Variants in GLI2 observed in about 807,000 individuals in gnomAD.
GLI2 encodes the protein transcription activator GLI2.
Under a neutral mutation model 78.9 loss-of-function variants are expected in GLI2, and 22 were observed. The observed-to-expected ratio is 0.28, with a 90% CI of 0.20 to 0.40. The LOEUF (loss-of-function observed/expected upper bound fraction) is 0.40. GLI2 is among the 10% of genes least tolerant of loss of function. The pLI is 1.00. For synonymous variants in GLI2, 974 were observed against 963.7 expected (o/e 1.01, Z -0.20); for missense variants, 2,097 against 2,213.2 (o/e 0.95, Z 1.05).
intron 2 of GLI2, among the ~76,000 whole-genome samples, chr2:120,839,781 A>T (rs1299888838): frequency 1.3e-5 from 2 of 152,030 alleles, no homozygotes; most frequent in Non-Finnish European, 2.9e-5. Context: ...CAGGCTGGTC[A>T]TGAACTCTGG....
chr2:120,849,668 A>G (rs1687308624), intron 2 of GLI2, among the ~76,000 whole-genome samples: 1 of 152,238 alleles, frequency 6.6e-6, no homozygotes, highest in African/African-American at 2.4e-5. Context: ...CCAAGTTTCC[A>G]GTCCCTCTTC....
At chr2:120,847,009 G>A (rs1351353389) in intron 2 of GLI2, among the ~76,000 whole-genome samples, 1 of 151,950 alleles carries the variant, frequency 6.6e-6, no homozygotes, top group Non-Finnish European at 1.5e-5. Flanking sequence ...CAGCTACTCT[G>A]GTTTAGTCTC....
intron 5 of GLI2, among the ~76,000 whole-genome samples, chr2:120,961,944 A>G (rs372818722): frequency 1.1e-3 from 165 of 152,300 alleles, no homozygotes; most frequent in African/African-American, 3.5e-3. Flanking sequence ...TCTGGCACAG[A>G]GAAGGCTCCT....
chr2:120,890,578 T>C (rs1317257858), intron 2 of GLI2, among the ~76,000 whole-genome samples: 2 of 152,202 alleles, frequency 1.3e-5, no homozygotes, highest in Non-Finnish European at 2.9e-5. Flanking sequence ...GATTCTGATA[T>C]TGCACTGTAG....
chr2:120,939,404 C>T (rs1304645589), intron 3 of GLI2, among the ~76,000 whole-genome samples: 3 of 152,172 alleles, frequency 2.0e-5, no homozygotes, highest in Non-Finnish European at 4.4e-5. Flanking sequence ...CCCGTGTGCT[C>T]CCCAATCTCC....
intron 2 of GLI2, among the ~76,000 whole-genome samples, chr2:120,826,521 C>G (rs1357926330): frequency 6.6e-6 from 1 of 152,188 alleles, no homozygotes; most frequent in African/African-American, 2.4e-5. Flanking sequence ...GGGGTCCCCT[C>G]CGTGTGGGAC....
In GLI2 at chr2:120,989,216, GC is replaced by G. The variant is rs2105091389; in HGVS notation, c.3254del (p.Pro1085ArgfsTer28). The part of the protein sequence containing the change: ...TGFSDNPRLP[S>X]PGLHGQRRMV... ...TTCTCTGACAACCCCAGACTACCCAGCCCGGGGCTGCACGGCCAGCGCAGGA... is the reference window on the plus strand; with the variant it reads ...TTCTCTGACAACCCCAGACTACCCAGCCGGGGCTGCACGGCCAGCGCAGGA... On this transcript the variant is annotated frameshift_variant, in exon 14 of 14. Transcript: ENST00000361492. LOFTEE classifies it low-confidence loss of function (END_TRUNC). 1 of 1,613,200 alleles carries G rather than the reference GC, an allele frequency of 6.2e-7. No homozygotes were observed. The highest frequency in any genetic ancestry group is 1.3e-5 in the African/African-American group (1 of 75,068).
intron 2 of GLI2, among the ~76,000 whole-genome samples, chr2:120,877,876 A>G (rs1361495671): frequency 2.0e-5 from 3 of 152,132 alleles, no homozygotes; most frequent in Non-Finnish European, 4.4e-5. Flanking sequence ...TTTCCCAGGT[A>G]TATACCTAGG....
intron 10 of GLI2, among the ~76,000 whole-genome samples, chr2:120,979,849 T>C (rs997730840): frequency 3.3e-5 from 5 of 152,210 alleles, no homozygotes; most frequent in African/African-American, 1.2e-4. Context: ...GCTTTCTGTC[T>C]GTATGGATTT....
intron 2 of GLI2, among the ~76,000 whole-genome samples, chr2:120,865,529 C>T (rs1191078005): frequency 2.6e-5 from 4 of 152,142 alleles, no homozygotes; most frequent in East Asian, 1.9e-4. Flanking sequence ...GTGGCCTTTG[C>T]GGTGCCCTTG....
intron 2 of GLI2, among the ~76,000 whole-genome samples, chr2:120,912,522 T>G (rs2104817580): frequency 6.6e-6 from 1 of 152,228 alleles, no homozygotes; most frequent in Non-Finnish European, 1.5e-5. Flanking sequence ...AGAAATACTG[T>G]TTCCATGCGC....
At chr2:120,932,707 T>C (rs1412000844) in intron 3 of GLI2, among the ~76,000 whole-genome samples, 1 of 152,220 alleles carries the variant, frequency 6.6e-6, no homozygotes, top group Non-Finnish European at 1.5e-5. Context: ...GTAAAGCGTC[T>C]AGAACACTTT....
intron 2 of GLI2, among the ~76,000 whole-genome samples, chr2:120,882,335 C>T (rs547772561): frequency 2.8e-4 from 43 of 152,314 alleles, no homozygotes; most frequent in African/African-American, 9.6e-4. Flanking sequence ...AAGGATCACC[C>T]GGGAGATGCT....
chr2:120,743,945 C>T (rs1037896397), intron 1 of GLI2, among the ~76,000 whole-genome samples: 16 of 152,220 alleles, frequency 1.1e-4, no homozygotes, highest in Non-Finnish European at 1.5e-5. Context: ...AGGAATATGT[C>T]CTGCCTCTCC....
intron 2 of GLI2, among the ~76,000 whole-genome samples, chr2:120,873,090 A>G (rs184881968): frequency 4.7e-4 from 71 of 152,170 alleles, no homozygotes; most frequent in Non-Finnish European, 9.3e-4. Flanking sequence ...ACAAAATGGG[A>G]TTATATTGTG....
chr2:120,902,191 C>G (rs1678296349), intron 2 of GLI2, among the ~76,000 whole-genome samples: 1 of 148,748 alleles, frequency 6.7e-6, no homozygotes. Context: ...ACCCACCCCC[C>G]CCCACCCCCA....
chr2:120,920,545 A>G (rs1679320303), intron 2 of GLI2, among the ~76,000 whole-genome samples: 1 of 152,270 alleles, frequency 6.6e-6, no homozygotes, highest in South Asian at 2.1e-4. Flanking sequence ...CACCCAGTAC[A>G]CTGCCCACAC....
At chr2:120,795,792 G>A (rs946703635) in intron 1 of GLI2, among the ~76,000 whole-genome samples, 1 of 152,162 alleles carries the variant, frequency 6.6e-6, no homozygotes, top group African/African-American at 2.4e-5. Context: ...GCTCACGCCT[G>A]TAATCCCAGC....
At chr2:120,773,885 C>T (rs1003486005) in intron 1 of GLI2, among the ~76,000 whole-genome samples, 1 of 145,412 alleles carries the variant, frequency 6.9e-6, no homozygotes, top group Non-Finnish European at 1.5e-5. Flanking sequence ...TACCTCCCTT[C>T]CCTCCCTCCC....
Sources: gnomAD v4.1 joint callset for allele counts (sites outside exome capture counted in the v4.1 genomes callset) on GRCh38, gnomAD v4.1.1 for gene constraint, MANE v1.5 for transcripts, NCBI Gene and HGNC (gene_info 2026-07-23, HGNC 2026-07-21) for gene names.